The following ZBTB8B variants were observed in gnomAD, a reference collection of about 807,000 sequenced individuals.
The protein encoded by ZBTB8B is zinc finger and BTB domain containing 8B, also known as zinc finger and BTB domain-containing protein 8B.
ZBTB8B carries 17 observed loss-of-function variants against 30.3 expected under a neutral mutation model. The observed-to-expected ratio is 0.56, with a 90% CI of 0.38 to 0.84. ZBTB8B has a LOEUF of 0.84. Among genes scored for constraint, ZBTB8B ranks in the 40% least tolerant of loss-of-function variants. ZBTB8B has a pLI of 0.00. For synonymous variants in ZBTB8B, 248 were observed against 255.6 expected, an observed-to-expected ratio of 0.97 and a Z score of 0.28; for missense variants, 515 against 644.9, an observed-to-expected ratio of 0.80 and a Z score of 2.18.
rs60700558 is a variant in ZBTB8B, at chr1:32,470,499, CAAAAAAAAAAAA to C, written c.-41-69_-41-58del. The stretch of plus-strand genomic sequence containing the variant: ...TGGGCAACAGAGCAAGACGCTGACT[CAAAAAAAAAAAA>C]AAAAAAAAAAAAAAAGAAATCTTGT... On this transcript the variant is annotated intron_variant, in intron 1 of 3. Transcript: ENST00000609129. 436 of 359,162 alleles carry C rather than the reference CAAAAAAAAAAAA, an allele frequency of 1.2e-3. 1 individual carries two copies. Among genetic ancestry groups the C allele is most frequent in the Admixed American group, 2.7e-3 (32 of 11,950 alleles). 22.2% of individuals were successfully genotyped at this position (359,162 alleles called of 1,614,324 possible).
chr1:32,466,261 C>A (rs896588679), intron 1 of ZBTB8B, among the ~76,000 whole-genome samples: 1 of 152,078 alleles, frequency 6.6e-6, no homozygotes, highest in African/African-American at 2.4e-5. Context: ...AGGACTCCCT[C>A]AAGGGTATAT....
At chr1:32,470,522 AAAAAG>A in intron 1 of ZBTB8B, 57 bp from the exon 2 acceptor site, 2 of 1,173,420 alleles carry the variant, frequency 1.7e-6, no homozygotes, top group South Asian at 3.6e-5. Flanking sequence ...AAAAAAAAAA[AAAAAG>A]AAATCTTGTT....
At chr1:32,483,242 TCCAAAAAAAAAAAA>T (rs1188111134) in intron 3 of ZBTB8B, among the ~76,000 whole-genome samples, 23 of 33,104 alleles carry the variant, frequency 6.9e-4, no homozygotes, top group East Asian at 3.3e-3. Context: ...CTACTAAAAA[TCCAAAAAAAAAAAA>T]AAAAAAAAAA....
chr1:32,474,990 T>C (rs1643651845), intron 2 of ZBTB8B, among the ~76,000 whole-genome samples: 1 of 152,374 alleles, frequency 6.6e-6, no homozygotes, highest in South Asian at 2.1e-4. Context: ...CCACTTATAA[T>C]ATATTCAGGT....
chr1:32,479,591 A>G (rs1643689761), intron 2 of ZBTB8B, among the ~76,000 whole-genome samples: 2 of 152,240 alleles, frequency 1.3e-5, no homozygotes, highest in South Asian at 4.1e-4. Context: ...CTCTGTGTCC[A>G]TAACTTCTGC....
In ZBTB8B at chr1:32,485,353, G is replaced by A; in HGVS notation, c.1423G>A (p.Gly475Arg). 6.4e-7 allele frequency: 1 copy of A among 1,552,256 alleles called. No homozygotes were observed. The highest frequency in any genetic ancestry group is 8.7e-7 in the Non-Finnish European group (1 of 1,147,126). Residue 475 changes from glycine to arginine, a missense_variant, in exon 4 of 4, where the codon GGA becomes AGA. Gly to Arg is a moderately radical substitution (Grantham distance 125, BLOSUM62 -2). Around this residue, in one of 3 missense-constraint regions of ZBTB8B, gnomAD observed 429 missense variants for 504.3 expected, o/e 0.85. Transcript: ENST00000609129. ...VESGEENDPAGDDSDDKPQIQ... is the reference protein window; with the variant it reads ...VESGEENDPARDDSDDKPQIQ... Reference sequence around the variant, plus strand: ...GTCGGGTGAGGAAAATGACCCTGCTGGAGATGATTCTGATGACAAACCACA... The same window carrying A: ...GTCGGGTGAGGAAAATGACCCTGCTAGAGATGATTCTGATGACAAACCACA...
intron 1 of ZBTB8B, among the ~76,000 whole-genome samples, chr1:32,467,127 G>T (rs1643577336): frequency 6.6e-6 from 1 of 152,042 alleles, no homozygotes; most frequent in Non-Finnish European, 1.5e-5. Flanking sequence ...CTGCACTCCA[G>T]CCTGGGTAAC....
intron 2 of ZBTB8B, among the ~76,000 whole-genome samples, chr1:32,475,223 G>T (rs746118008): frequency 7.2e-5 from 11 of 152,182 alleles, no homozygotes; most frequent in Non-Finnish European, 1.6e-4. Flanking sequence ...TTTGTGTGAA[G>T]GCATAAAGAT....
In ZBTB8B at chr1:32,488,335, T is replaced by C. The variant is rs1451534746; in HGVS notation, c.*2917T>C. On this transcript the variant is annotated 3_prime_UTR_variant, in exon 4 of 4. Coordinates refer to ENST00000609129, the MANE Select transcript of ZBTB8B (RefSeq NM_001145720.2). ...AGAAGATTTACTTGGCCAGGAACAGTGTTTGATATTTTTGCTTTCTCTGTT... is the reference window on the plus strand; with the variant it reads ...AGAAGATTTACTTGGCCAGGAACAGCGTTTGATATTTTTGCTTTCTCTGTT... 6.6e-6 allele frequency: 1 copy of C among 152,152 alleles called. No individual in the cohort carries two copies. The highest frequency in any genetic ancestry group is 2.4e-5 in the African/African-American group (1 of 41,416). 9.4% of individuals were successfully genotyped at this position (152,152 alleles called of 1,614,324 possible).
Position 32,489,767 on chromosome 1 carries a change from G to C in ZBTB8B, c.*4349G>C, listed in dbSNP as rs1163965048. ...GGAAGTTATTTCTCTTGGGGGATGA[G>C]GACCCCCTTCTCAAAAGTTGAGAAG... On this transcript the variant is annotated 3_prime_UTR_variant, in exon 4 of 4. Coordinates refer to ENST00000609129, the MANE Select transcript of ZBTB8B (RefSeq NM_001145720.2). 1 of 152,130 alleles carries C rather than the reference G, an allele frequency of 6.6e-6. No individual in the cohort carries two copies. The highest frequency in any genetic ancestry group is 1.5e-5 in the Non-Finnish European group (1 of 68,034). The allele number at this position is 152,130 out of a possible 1,614,324, so 9.4% of individuals were successfully genotyped here.
chr1:32,482,258 C>T (rs527642898), intron 3 of ZBTB8B, among the ~76,000 whole-genome samples: 1 of 152,152 alleles, frequency 6.6e-6, no homozygotes, highest in African/African-American at 2.4e-5. Flanking sequence ...CTCAGCCTCC[C>T]AAAGTGCTGG....
At chr1:32,479,522 CAAAAAATA>C (rs747779201) in intron 2 of ZBTB8B, among the ~76,000 whole-genome samples, 72 of 151,522 alleles carry the variant, frequency 4.8e-4, no homozygotes, top group Non-Finnish European at 5.6e-4. Flanking sequence ...GACTCCATCT[CAAAAAATA>C]AAAAAATAAA....
chr1:32,471,261 G>A lies in ZBTB8B; in HGVS notation c.637G>A (p.Gly213Ser). 6.4e-7 allele frequency: 1 copy of A among 1,551,814 alleles called. No homozygotes were observed. The highest frequency in any genetic ancestry group is 8.7e-7 in the Non-Finnish European group (1 of 1,147,012). Residue 213 changes from glycine to serine, a missense_variant, in exon 2 of 4, where the codon GGT becomes AGT. Transcript: ENST00000609129. Reference sequence around the variant, plus strand: ...ACTGGTGGTGAGAGACAGCCTTGGCGGTGGCTCGGCTGACAGCAACCTCTC... The same window carrying A: ...ACTGGTGGTGAGAGACAGCCTTGGCAGTGGCTCGGCTGACAGCAACCTCTC... Reference protein sequence around the residue: ...LELVVRDSLGGGSADSNLSTP... With the variant: ...LELVVRDSLGSGSADSNLSTP...
rs984461813 is a variant in ZBTB8B, at chr1:32,465,666, A to G, written c.-42+561A>G. On this transcript the variant is annotated intron_variant, in intron 1 of 3. Coordinates refer to ENST00000609129, the MANE Select transcript of ZBTB8B (RefSeq NM_001145720.2). This position sits in a 1 kb window ranked among gnomAD's most constrained non-coding sequence, Gnocchi z 4.1. Reference sequence around the variant, plus strand: ...CCTTCTCCTCCGATCCATGCCTAAAAGAAAGGAGTGACTTCCCCAACCTGT... The same window carrying G: ...CCTTCTCCTCCGATCCATGCCTAAAGGAAAGGAGTGACTTCCCCAACCTGT... 2.0e-5 allele frequency among the ~76,000 whole-genome samples: 3 copies of G among 152,214 alleles called. No homozygotes were observed. The highest frequency in any genetic ancestry group is 7.2e-5 in the African/African-American group (3 of 41,448).
chr1:32,477,500 T>C (rs992537262), intron 2 of ZBTB8B, among the ~76,000 whole-genome samples: 1 of 152,108 alleles, frequency 6.6e-6, no homozygotes, highest in Admixed American at 6.6e-5. Context: ...AAGAAGTGTG[T>C]GGTACAAAGC....
At chr1:32,475,525 G>A (rs1274412418) in intron 2 of ZBTB8B, among the ~76,000 whole-genome samples, 1 of 152,158 alleles carries the variant, frequency 6.6e-6, no homozygotes, top group Non-Finnish European at 1.5e-5. Flanking sequence ...GGCGGAGGTT[G>A]CAGTGAGCCA....
At position 32,485,250 on chromosome 1, in the gene ZBTB8B, C is replaced by T; in HGVS notation, c.1320C>T (p.Ile440=). Reference sequence around the variant, plus strand: ...ATGATGATGATGATTTGATGCCCATCAACCTTAGCTTGGTGGAGGCTTCAT... The same window carrying T: ...ATGATGATGATGATTTGATGCCCATTAACCTTAGCTTGGTGGAGGCTTCAT... The part of the protein sequence containing the change: ...TPDDDDDLMP[I]NLSLVEASSE... Residue 440 remains isoleucine, a synonymous_variant, in exon 4 of 4, where the codon ATC becomes ATT. Transcript: ENST00000609129. 6.4e-7 allele frequency: 1 copy of T among 1,552,072 alleles called. No homozygotes were observed. Among genetic ancestry groups the T allele is most frequent in the Non-Finnish European group, 8.7e-7 (1 of 1,147,092 alleles).
At position 32,485,087 on chromosome 1, in the gene ZBTB8B, G is replaced by T. The variant is rs1235484842; in HGVS notation, c.1171-14G>T. 5 of 1,550,272 alleles carry T rather than the reference G, an allele frequency of 3.2e-6. No homozygotes were observed. Among genetic ancestry groups the T allele is most frequent in the African/African-American group, 1.4e-5 (1 of 73,132 alleles). Reference sequence around the variant, plus strand: ...CTTTTCTGTGACATCTACTGTGTCTGCTTGTGATTACAGGTCCACAGATCC... The same window carrying T: ...CTTTTCTGTGACATCTACTGTGTCTTCTTGTGATTACAGGTCCACAGATCC... On this transcript the variant is annotated splice_polypyrimidine_tract_variant and intron_variant, in intron 3 of 3. Coordinates refer to ENST00000609129, the MANE Select transcript of ZBTB8B (RefSeq NM_001145720.2).
In ZBTB8B at chr1:32,465,292, AG is replaced by A. The variant is rs1043524651; in HGVS notation, c.-42+191del. ...CCCCGCGAGCCCTTCTAGCGTGGGGAGGGGCAGGCGCGGCCGTGGGGCCCCA... is the reference window on the plus strand; with the variant it reads ...CCCCGCGAGCCCTTCTAGCGTGGGGAGGGCAGGCGCGGCCGTGGGGCCCCA... On this transcript the variant is annotated intron_variant, in intron 1 of 3. Transcript: ENST00000609129. This position sits in a 1 kb window ranked among gnomAD's most constrained non-coding sequence, Gnocchi z 4.1. Among the ~76,000 whole-genome samples, 1 of 152,072 alleles carries A rather than the reference AG, an allele frequency of 6.6e-6. No individual in the cohort carries two copies. The highest frequency in any genetic ancestry group is 2.4e-5 in the African/African-American group (1 of 41,382).
Sources: allele counts gnomAD v4.1 joint callset (sites outside exome capture counted in the v4.1 genomes callset), GRCh38; gene constraint gnomAD v4.1.1; regional missense constraint gnomAD v4.1.1; non-coding constraint Gnocchi (gnomAD v3.1); transcripts MANE v1.5; gene names NCBI Gene and HGNC (gene_info 2026-07-23, HGNC 2026-07-21).